The following LMO2 variants were observed in gnomAD, a reference collection of about 807,000 sequenced individuals.
LMO2 encodes the protein LIM domain only 2.
Under a neutral mutation model 23.2 loss-of-function variants are expected in LMO2, and 20 were observed. The observed-to-expected ratio is 0.86, with a 90% CI of 0.61 to 1.25. LMO2 has a LOEUF of 1.25. Among genes scored for constraint, LMO2 ranks in the 50% most tolerant of loss-of-function variants. LMO2 has a pLI of 0.00. For missense variants in LMO2, 270 were observed against 315.3 expected (o/e 0.86, Z 1.09); for synonymous variants, 123 against 130.2 (o/e 0.94, Z 0.38).
intron 5 of LMO2, among the ~76,000 whole-genome samples, chr11:33,861,635 T>G (rs1439015113): frequency 6.6e-6 from 1 of 152,194 alleles, no homozygotes; most frequent in Non-Finnish European, 1.5e-5. Flanking sequence ...CTGACTGCTC[T>G]GTAAGTTAAG....
chr11:33,880,261 AT>A lies in LMO2; in HGVS notation c.-272+1562del. Among the ~76,000 whole-genome samples the A allele has an allele frequency of 6.8e-6, 1 of 148,140 alleles. No individual in the cohort carries two copies. The highest frequency in any genetic ancestry group is 1.5e-5 in the Non-Finnish European group (1 of 67,384). On this transcript the variant is annotated intron_variant, in intron 2 of 5. Transcript: ENST00000257818. The surrounding 1 kb of genome is among the most constrained non-coding windows in gnomAD (Gnocchi z 4.3). ...TATCATATATACACATGATATATAT[AT>A]CATACATACACATGATATATATCAT...
chr11:33,865,841 T>C (rs550625659), intron 4 of LMO2, among the ~76,000 whole-genome samples: 1 of 152,154 alleles, frequency 6.6e-6, no homozygotes, highest in South Asian at 2.1e-4. Flanking sequence ...AATAAAGGAG[T>C]GGAAGGAATT....
intron 2 of LMO2, chr11:33,881,229 C>G (rs1857275060): frequency 2.2e-6 from 1 of 457,122 alleles, no homozygotes. Flanking sequence ...CGCTTTCAAG[C>G]TACAGTGCTT....
chr11:33,880,684 C>A lies in LMO2; in HGVS notation c.-272+1140G>T, dbSNP rs115288332. Reference sequence around the variant, plus strand: ...TAAATTTTACGATGTACGTATTTAACCCCCACACGCCCCAAACAAATCTGA... The same window carrying A: ...TAAATTTTACGATGTACGTATTTAAACCCCACACGCCCCAAACAAATCTGA... On this transcript the variant is annotated intron_variant, in intron 2 of 5. Coordinates refer to ENST00000257818, the MANE Select transcript of LMO2 (RefSeq NM_005574.4). This position sits in a 1 kb window ranked among gnomAD's most constrained non-coding sequence, Gnocchi z 4.3. The A allele has an allele frequency of 5.4e-3, 857 of 159,628 alleles. 9 individuals are homozygous for A. Among genetic ancestry groups the A allele is most frequent in the African/African-American group, 0.019 (774 of 41,550 alleles). The allele number at this position is 159,628 out of a possible 1,614,324, so 9.9% of individuals were successfully genotyped here.
At chr11:33,869,143 T>TGCCGCCC (rs1028196201) in intron 4 of LMO2, among the ~76,000 whole-genome samples, 1 of 152,052 alleles carries the variant, frequency 6.6e-6, no homozygotes, top group African/African-American at 2.4e-5. Flanking sequence ...CCCCTGTCCC[T>TGCCGCCC]GCCGCCCGCC....
intron 5 of LMO2, among the ~76,000 whole-genome samples, chr11:33,862,312 TG>T (rs1367984141): frequency 6.6e-6 from 1 of 152,100 alleles, no homozygotes; most frequent in Non-Finnish European, 1.5e-5. Context: ...GGGGTCTAGT[TG>T]GGGCAGGCAT....
chr11:33,860,572 TG>T (rs201561798), intron 5 of LMO2, among the ~76,000 whole-genome samples: 3,266 of 152,296 alleles, frequency 0.021, 45 homozygotes, highest in Middle Eastern at 0.054. Context: ...GAGACCACCC[TG>T]GGCAACATGG....
chr11:33,870,472 C>T (rs1309410766), intron 2 of LMO2: 5 of 963,096 alleles, frequency 5.2e-6, no homozygotes, highest in Admixed American at 1.2e-4. Context: ...GGCTGCGGGC[C>T]CCAGGCTGCG....
At position 33,860,314 on chromosome 11, in the gene LMO2, C is replaced by T. The variant is rs555218892; in HGVS notation, c.465-739G>A. Reference sequence around the variant, plus strand: ...GAAACTTCTTTTCTGACATTTAAATCAAGACTCTCCCAAGCCTCAGTTGAT... The same window carrying T: ...GAAACTTCTTTTCTGACATTTAAATTAAGACTCTCCCAAGCCTCAGTTGAT... On this transcript the variant is annotated intron_variant, in intron 5 of 5. Transcript: ENST00000257818. Among the ~76,000 whole-genome samples the T allele has an allele frequency of 2.0e-4, 31 of 152,304 alleles. 1 individual carries two copies. In the South Asian group the frequency reaches 6.4e-3, roughly 32 times the overall value.
chr11:33,881,038 A>G (rs959694099), intron 2 of LMO2: 4 of 372,584 alleles, frequency 1.1e-5, no homozygotes, highest in African/African-American at 4.3e-5. Context: ...ATATTCTTCT[A>G]GATATCTGCC....
chr11:33,883,576 GGATTA>G (rs2133715212), intron 1 of LMO2, among the ~76,000 whole-genome samples: 1 of 152,290 alleles, frequency 6.6e-6, no homozygotes, highest in Non-Finnish European at 1.5e-5. Flanking sequence ...CAATCAGATT[GGATTA>G]GGGAGAGATC....
chr11:33,885,322 A>C (rs1857380131), intron 1 of LMO2, among the ~76,000 whole-genome samples: 1 of 152,210 alleles, frequency 6.6e-6, no homozygotes, highest in African/African-American at 2.4e-5. Context: ...GTATTTATAC[A>C]TTTGGATAGA....
At chr11:33,872,614 C>T (rs1349912211) in intron 2 of LMO2, among the ~76,000 whole-genome samples, 1 of 152,174 alleles carries the variant, frequency 6.6e-6, no homozygotes, top group Admixed American at 6.5e-5. Context: ...AATTTGGAAA[C>T]TATTTCCTGT....
At chr11:33,878,039 A>C (rs1857179065) in intron 2 of LMO2, among the ~76,000 whole-genome samples, 1 of 152,190 alleles carries the variant, frequency 6.6e-6, no homozygotes, top group Non-Finnish European at 1.5e-5. Flanking sequence ...GTCCATGACC[A>C]TCCACAAGTT....
At chr11:33,860,206 A>G (rs1856519140) in intron 5 of LMO2, among the ~76,000 whole-genome samples, 1 of 152,192 alleles carries the variant, frequency 6.6e-6, no homozygotes, top group Admixed American at 6.5e-5. Context: ...CCTCTGAGAT[A>G]TGGAGGACCA....
At chr11:33,876,633 G>A (rs892337344) in intron 2 of LMO2, among the ~76,000 whole-genome samples, 15 of 152,192 alleles carry the variant, frequency 9.9e-5, no homozygotes, top group African/African-American at 3.6e-4. Flanking sequence ...CAGGAACAGA[G>A]AAACAGGTGG....
intron 4 of LMO2, among the ~76,000 whole-genome samples, chr11:33,865,991 T>C (rs1856768947): frequency 6.6e-6 from 1 of 152,224 alleles, no homozygotes; most frequent in African/African-American, 2.4e-5. Context: ...ACAGACCTTC[T>C]TCCATCTGTA....
intron 1 of LMO2, among the ~76,000 whole-genome samples, chr11:33,884,789 C>A (rs938998885): frequency 1.1e-4 from 16 of 152,216 alleles, no homozygotes; most frequent in South Asian, 2.1e-4. Context: ...ATACACTATG[C>A]CCTCTGAGAG....
At position 33,859,594 on chromosome 11, in the gene LMO2, A is replaced by T; in HGVS notation, c.465-19T>A. On this transcript the variant is annotated intron_variant, in intron 5 of 5. Transcript: ENST00000257818. ...AAAAAGCCTGGGGCAAAAGAAAGAAAAGCTAAGAAGACAGTGAAAGGGACA... is the reference window on the plus strand; with the variant it reads ...AAAAAGCCTGGGGCAAAAGAAAGAATAGCTAAGAAGACAGTGAAAGGGACA... The T allele has an allele frequency of 6.2e-7, 1 of 1,610,650 alleles. No individual in the cohort carries two copies. The highest frequency in any genetic ancestry group is 8.5e-7 in the Non-Finnish European group (1 of 1,177,598).
Sources: gnomAD v4.1 joint callset for allele counts (sites outside exome capture counted in the v4.1 genomes callset) on GRCh38, gnomAD v4.1.1 for gene constraint, Gnocchi (gnomAD v3.1) non-coding constraint, MANE v1.5 for transcripts, NCBI Gene and HGNC (gene_info 2026-07-23, HGNC 2026-07-21) for gene names.